LARP4B: variants seen among roughly 807,000 people sequenced by gnomAD.
The protein encoded by LARP4B is La ribonucleoprotein 4B, also known as la-related protein 4B.
LARP4B carries 12 observed loss-of-function variants against 89.8 expected under a neutral mutation model. The observed-to-expected ratio is 0.13, with a 90% confidence interval of 0.09 to 0.22. The LOEUF (loss-of-function observed/expected upper bound fraction) is 0.22. Ranked by LOEUF, LARP4B falls within the 10% of genes least tolerant of loss-of-function variation. LARP4B has a pLI of 1.00. For missense variants in LARP4B, 757 were observed against 947.7 expected, an observed-to-expected ratio of 0.80 and a Z score of 2.64; for synonymous variants, 367 against 363.3, an observed-to-expected ratio of 1.01 and a Z score of -0.12.
chr10:864,033 A>G, intron 4 of LARP4B, 90 bp downstream of exon 4: 1 of 1,576,678 alleles, frequency 6.3e-7, no homozygotes, highest in Non-Finnish European at 8.6e-7. Context: ...ACAGTTATGA[A>G]TGAACAACAT....
rs575424961 is a variant in LARP4B at position 891,854 on chromosome 10, T to C, written c.-39-6094A>G. Among the ~76,000 whole-genome samples the C allele has an allele frequency of 3.3e-5, 5 of 152,362 alleles. No homozygotes were observed. In the East Asian group the frequency reaches 7.7e-4, roughly 23 times the overall value. On this transcript the variant is annotated intron_variant, in intron 1 of 17. Transcript: ENST00000316157. ...ATAGTCACCTCATTTAAACAGTTAA[T>C]AACGTATCATTTTAATGCTTTTTTA...
At chr10:923,493 A>G (rs939061632) in intron 1 of LARP4B, among the ~76,000 whole-genome samples, 4 of 149,872 alleles carry the variant, frequency 2.7e-5, no homozygotes, top group Non-Finnish European at 5.9e-5. Flanking sequence ...TTCCCCCTTT[A>G]TGGACCCAGT....
chr10:919,973 A>T (rs916114079), intron 1 of LARP4B, among the ~76,000 whole-genome samples: 1 of 152,256 alleles, frequency 6.6e-6, no homozygotes, highest in Non-Finnish European at 1.5e-5. Flanking sequence ...ATTATCTAAA[A>T]TGACAAAACA....
chr10:831,088 G>A (rs1040679718), intron 8 of LARP4B, 111 bp from the exon 9 acceptor site: 22 of 498,600 alleles, frequency 4.4e-5, no homozygotes, highest in African/African-American at 3.4e-4. Context: ...TTAAACAAAC[G>A]TACCATGATG....
At chr10:988,340 G>T in the LARP4B span, 1 of 696,310 alleles carries the variant, frequency 1.4e-6, no homozygotes, top group Admixed American at 2.4e-5. Flanking sequence ...GACGCGGAAA[G>T]CGCCGTAGAG....
intron 7 of LARP4B, among the ~76,000 whole-genome samples, chr10:839,689 T>C (rs1177695500): frequency 6.6e-6 from 1 of 152,236 alleles, no homozygotes; most frequent in East Asian, 1.9e-4. Flanking sequence ...TCATCCCTGC[T>C]GGTGGTGGCC....
chr10:984,320 T>A, the LARP4B span, among the ~76,000 whole-genome samples: 1 of 152,212 alleles, frequency 6.6e-6, no homozygotes, highest in Non-Finnish European at 1.5e-5. Flanking sequence ...TGGAAATTGA[T>A]CATACAAGCA....
the LARP4B span, among the ~76,000 whole-genome samples, chr10:946,131 G>C: frequency 6.6e-6 from 1 of 152,150 alleles, no homozygotes; most frequent in Non-Finnish European, 1.5e-5. Flanking sequence ...AATTACAACA[G>C]GATAAATCCC....
At chr10:933,468 C>T (rs565646132), upstream of LARP4B, among the ~76,000 whole-genome samples, 5 of 152,118 alleles carry the variant, frequency 3.3e-5, no homozygotes, top group Non-Finnish European at 7.4e-5. Flanking sequence ...TGGAAGAAAG[C>T]CTCTCCGGCT....
intron 8 of LARP4B, 46 bp from the exon 9 acceptor site, chr10:831,023 T>A: frequency 1.2e-6 from 1 of 802,182 alleles, no homozygotes; most frequent in Non-Finnish European, 2.0e-6. Context: ...ACAATGTCAG[T>A]TTTTGTCCTC....
chr10:964,216 G>A, the LARP4B span, among the ~76,000 whole-genome samples: 3 of 151,952 alleles, frequency 2.0e-5, no homozygotes, highest in Non-Finnish European at 2.9e-5. Context: ...ACAGGCGCCC[G>A]CCACCACGCC....
At chr10:887,962 T>C (rs1473904678) in intron 1 of LARP4B, among the ~76,000 whole-genome samples, 1 of 150,662 alleles carries the variant, frequency 6.6e-6, no homozygotes, top group Non-Finnish European at 1.5e-5. Context: ...AGGTGGAGGT[T>C]GCAGTTAGCT....
chr10:900,949 T>C (rs1390813893), intron 1 of LARP4B, among the ~76,000 whole-genome samples: 1 of 130,148 alleles, frequency 7.7e-6, no homozygotes, highest in Non-Finnish European at 1.6e-5. Flanking sequence ...GACGGAGTCT[T>C]GCTCTTTTTG....
the LARP4B span, among the ~76,000 whole-genome samples, chr10:969,626 A>G: frequency 3.3e-5 from 5 of 152,256 alleles, no homozygotes; most frequent in East Asian, 9.6e-4. Context: ...GTTACTCAGG[A>G]GACTAAGGCA....
chr10:938,294 A>G, the LARP4B span, among the ~76,000 whole-genome samples: 1 of 142,896 alleles, frequency 7.0e-6, no homozygotes, highest in Non-Finnish European at 1.5e-5. Flanking sequence ...TCTGTCACCC[A>G]GGCTGGAGTG....
intron 1 of LARP4B, among the ~76,000 whole-genome samples, chr10:887,988 C>A (rs1049375584): frequency 6.6e-6 from 1 of 151,608 alleles, no homozygotes; most frequent in African/African-American, 2.4e-5. Context: ...CTCGCCACTG[C>A]ACTCCCACCT....
chr10:975,773 G>A, the LARP4B span, among the ~76,000 whole-genome samples: 72 of 151,936 alleles, frequency 4.7e-4, no homozygotes, highest in African/African-American at 1.5e-3. Context: ...CTAGTAGAAC[G>A]TAAGCCTGTC....
At chr10:846,664 G>A (rs1833792681) in intron 5 of LARP4B, among the ~76,000 whole-genome samples, 1 of 152,212 alleles carries the variant, frequency 6.6e-6, no homozygotes, top group Non-Finnish European at 1.5e-5. Flanking sequence ...ATTCAAGGCT[G>A]ACATTTTGAA....
intron 5 of LARP4B, among the ~76,000 whole-genome samples, chr10:851,616 C>A (rs1025346816): frequency 6.6e-6 from 1 of 152,172 alleles, no homozygotes; most frequent in Non-Finnish European, 1.5e-5. Context: ...CAGGTGATAA[C>A]AGAGTATTAT....
Sources: gnomAD v4.1 joint callset for allele counts (sites outside exome capture counted in the v4.1 genomes callset) on GRCh38, gnomAD v4.1.1 for gene constraint, MANE v1.5 for transcripts, NCBI Gene and HGNC (gene_info 2026-07-23, HGNC 2026-07-21) for gene names.